ZNF821: variants seen among roughly 807,000 people sequenced by gnomAD.
The protein encoded by ZNF821 is zinc finger protein 821.
ZNF821 carries 16 observed loss-of-function variants against 44.3 expected under a neutral mutation model. The observed-to-expected ratio is 0.36, with a 90% CI of 0.24 to 0.55. The LOEUF (loss-of-function observed/expected upper bound fraction) is 0.55. Ranked by LOEUF, ZNF821 falls within the 20% of genes least tolerant of loss-of-function variation. The pLI is 0.86. For synonymous variants in ZNF821, 204 were observed against 197.6 expected (o/e 1.03, Z -0.27); for missense variants, 436 against 547.6 (o/e 0.80, Z 2.03).
chr16:71,868,927 G>C (rs1480245713), intron 3 of ZNF821, among the ~76,000 whole-genome samples: 1 of 152,118 alleles, frequency 6.6e-6, no homozygotes, highest in African/African-American at 2.4e-5. Context: ...CTCCCAAAGT[G>C]CTGGGATTAC....
intron 2 of ZNF821, 181 bp from the exon 3 acceptor site, chr16:71,880,204 G>C (rs2288030): frequency 2.6e-6 from 1 of 383,594 alleles, no homozygotes; most frequent in Non-Finnish European, 4.6e-6. Flanking sequence ...CAAGGTCCCA[G>C]AAAGTTTAAG....
chr16:71,885,547 C>T (rs536035973), upstream of ZNF821, among the ~76,000 whole-genome samples: 82 of 152,346 alleles, frequency 5.4e-4, no homozygotes, highest in Admixed American at 4.6e-3. Context: ...AAAGGCAGGG[C>T]TAACGAGGAT....
intron 4 of ZNF821, 48 bp downstream of exon 4, chr16:71,867,864 A>G (rs1361747347): frequency 3.3e-6 from 5 of 1,528,482 alleles, no homozygotes; most frequent in Non-Finnish European, 4.4e-6. Flanking sequence ...CACTCTGATA[A>G]TTCTTCTCCC....
upstream of ZNF821, chr16:71,885,376 G>A (rs923463255): frequency 6.6e-6 from 1 of 152,258 alleles, no homozygotes; most frequent in African/African-American, 2.4e-5. Context: ...GTTGACTTTG[G>A]GCAAGTCACT....
chr16:71,873,827 A>G (rs1448155973), intron 3 of ZNF821, among the ~76,000 whole-genome samples: 1 of 151,502 alleles, frequency 6.6e-6, no homozygotes, highest in African/African-American at 2.4e-5. Flanking sequence ...TAATTTTTAA[A>G]TTTTTTGTAG....
intron 3 of ZNF821, among the ~76,000 whole-genome samples, chr16:71,878,979 C>T (rs138687307): frequency 6.6e-6 from 1 of 151,520 alleles, no homozygotes; most frequent in Non-Finnish European, 1.5e-5. Context: ...GAAAACAACA[C>T]AAGGTAATAG....
rs998258190 is a variant in ZNF821 at position 71,893,670 on chromosome 16, G to T, written n.448+1219C>A. 5.3e-5 allele frequency among the ~76,000 whole-genome samples: 8 copies of T among 150,982 alleles called. 1 individual carries two copies. Among genetic ancestry groups the T allele is most frequent in the Admixed American group, 4.6e-4 (7 of 15,148 alleles). On this transcript the variant is annotated intron_variant and non_coding_transcript_variant, in intron 1 of 2. Coordinates refer to the ZNF821 transcript ENST00000561700. ...GAGACGGTTTCACCATGTTGGCCAG[G>T]CTGGTCTTGAACTTCTTACCTCAGG... is the stretch of plus-strand genomic sequence containing the variant.
chr16:71,894,833 T>C, intron 1 of ZNF821: 1 of 1,533,582 alleles, frequency 6.5e-7, no homozygotes, highest in South Asian at 1.2e-5. Flanking sequence ...TAAGCAGCGA[T>C]AATGGTTTTC....
At chr16:71,882,707 C>A (rs188291014) in intron 2 of ZNF821, among the ~76,000 whole-genome samples, 2 of 152,208 alleles carry the variant, frequency 1.3e-5, no homozygotes, top group East Asian at 1.9e-4. Flanking sequence ...AAAACACCCA[C>A]AAAAACAGGC....
At chr16:71,892,490 T>G (rs897926300) in intron 1 of ZNF821, among the ~76,000 whole-genome samples, 3 of 151,148 alleles carry the variant, frequency 2.0e-5, no homozygotes, top group East Asian at 2.0e-4. Flanking sequence ...GGATGGTCTC[T>G]ATCTCCTGAC....
chr16:71,892,458 C>T (rs1567454475), intron 1 of ZNF821, among the ~76,000 whole-genome samples: 1 of 150,532 alleles, frequency 6.6e-6, no homozygotes, highest in African/African-American at 2.4e-5. Flanking sequence ...TTAGTAGAGA[C>T]GGGGTTTCAC....
chr16:71,887,352 T>C (rs1385062902), upstream of ZNF821, among the ~76,000 whole-genome samples: 1 of 147,242 alleles, frequency 6.8e-6, no homozygotes, highest in Non-Finnish European at 1.5e-5. Flanking sequence ...CTCCACCTCC[T>C]GAGTTCACGC....
chr16:71,884,317 C>A (rs1217807945), upstream of ZNF821: 2 of 152,062 alleles, frequency 1.3e-5, no homozygotes, highest in African/African-American at 2.4e-5. Context: ...AGAGGAGGGG[C>A]TCCGGGGAGC....
chr16:71,866,415 G>A (rs1448970747), intron 4 of ZNF821, among the ~76,000 whole-genome samples: 1 of 152,140 alleles, frequency 6.6e-6, no homozygotes, highest in Admixed American at 6.5e-5. Context: ...AAAGAGCTAT[G>A]GTTTGTGTGT....
At chr16:71,894,570 G>C (rs535740886) in intron 1 of ZNF821, 45 of 356,516 alleles carry the variant, frequency 1.3e-4, no homozygotes, top group Non-Finnish European at 2.0e-4. Flanking sequence ...CTGTAGCCTA[G>C]GCTGGAGTGC....
At chr16:71,876,580 T>G (rs2035841164) in intron 3 of ZNF821, among the ~76,000 whole-genome samples, 1 of 152,204 alleles carries the variant, frequency 6.6e-6, no homozygotes, top group Non-Finnish European at 1.5e-5. Context: ...CTAAAATACT[T>G]CATTTTTTTC....
In ZNF821 at chr16:71,867,994, C is replaced by G. The variant is rs1298348485; in HGVS notation, c.84G>C (p.Ala28=). The change falls in exon 4 of 8, where the codon GCG becomes GCC. Residue 28 remains alanine (A), a synonymous_variant. Transcript: ENST00000425432. Reference sequence around the variant, plus strand: ...CTCCAGGAAAATCAGTTTTCATCATCGCCTGGCGGGCTTGCTCTTCTAGCC... The same window carrying G: ...CTCCAGGAAAATCAGTTTTCATCATGGCCTGGCGGGCTTGCTCTTCTAGCC... ...FAGLEEQARQ[A]MMKTDFPGDL... 1.3e-6 allele frequency: 2 copies of G among 1,535,950 alleles called. No homozygotes were observed. Among genetic ancestry groups the G allele is most frequent in the Non-Finnish European group, 1.7e-6 (2 of 1,146,842 alleles).
intron 3 of ZNF821, among the ~76,000 whole-genome samples, chr16:71,874,643 A>C (rs929771820): frequency 2.6e-5 from 4 of 151,886 alleles, no homozygotes; most frequent in African/African-American, 9.7e-5. Flanking sequence ...TAGTGGAGAC[A>C]GGGTTTTGCC....
upstream of ZNF821, among the ~76,000 whole-genome samples, chr16:71,886,942 C>T (rs539184817): frequency 6.6e-6 from 1 of 152,352 alleles, no homozygotes; most frequent in East Asian, 1.9e-4. Flanking sequence ...TCGTGTCTGG[C>T]TTTTGTCACT....
Sources: gnomAD v4.1 joint callset for allele counts (sites outside exome capture counted in the v4.1 genomes callset) on GRCh38, gnomAD v4.1.1 for gene constraint, MANE v1.5 for transcripts, NCBI Gene and HGNC (gene_info 2026-07-23, HGNC 2026-07-21) for gene names.